The following SEMA3A variants were observed in gnomAD, a reference collection of about 807,000 sequenced individuals.
SEMA3A encodes semaphorin 3A.
Under a neutral mutation model 97.9 loss-of-function variants are expected in SEMA3A, and 29 were observed. The observed-to-expected ratio is 0.30, with a 90% CI of 0.22 to 0.40. The LOEUF (loss-of-function observed/expected upper bound fraction) is 0.40. Ranked by LOEUF, SEMA3A falls within the 10% of genes least tolerant of loss-of-function variation. The pLI, the probability that SEMA3A is intolerant of heterozygous loss-of-function variation, is 1.00. For synonymous variants in SEMA3A, 321 were observed against 323.7 expected (o/e 0.99, Z 0.09); for missense variants, 763 against 951.3 (o/e 0.80, Z 2.60).
At chr7:84,292,273 A>G (rs1008739416) in intron 3 of SEMA3A, among the ~76,000 whole-genome samples, 9 of 152,078 alleles carry the variant, frequency 5.9e-5, no homozygotes, top group Non-Finnish European at 1.2e-4. Context: ...CCTAATTGTC[A>G]GTGCTTATTT....
At chr7:83,996,491 C>T (rs549040520) in intron 12 of SEMA3A, among the ~76,000 whole-genome samples, 3 of 151,798 alleles carry the variant, frequency 2.0e-5, no homozygotes, top group South Asian at 4.2e-4. Flanking sequence ...TTAGTAGAGA[C>T]GGGGTTTCAT....
At chr7:84,050,327 G>A (rs79748970) in intron 5 of SEMA3A, among the ~76,000 whole-genome samples, 163 of 152,172 alleles carry the variant, frequency 1.1e-3, no homozygotes, top group East Asian at 7.7e-3. Context: ...TCCCACCAAC[G>A]GTGTAAAAGT....
At chr7:84,293,879 G>T (rs1377857530) in intron 3 of SEMA3A, among the ~76,000 whole-genome samples, 1 of 151,944 alleles carries the variant, frequency 6.6e-6, no homozygotes, top group Non-Finnish European at 1.5e-5. Context: ...TAGATGAAAA[G>T]ATGTATACTT....
At position 84,417,369 on chromosome 7, in the gene SEMA3A, A is replaced by G. The variant is rs115888949; in HGVS notation, c.-245-45469T>C. Among the ~76,000 whole-genome samples the G allele has an allele frequency of 2.4e-3, 373 of 152,250 alleles. 2 individuals are homozygous for G. The highest frequency in any genetic ancestry group is 8.4e-3 in the African/African-American group (348 of 41,576). ...TAAATTAATTTGATTGATGAATAGTATAGTGTAAAATGTCTATTTACATGA... is the reference window on the plus strand; with the variant it reads ...TAAATTAATTTGATTGATGAATAGTGTAGTGTAAAATGTCTATTTACATGA... On this transcript the variant is annotated intron_variant, in intron 1 of 3. Coordinates refer to the SEMA3A transcript ENST00000424555.
intron 1 of SEMA3A, among the ~76,000 whole-genome samples, chr7:84,155,575 G>A (rs1051552901): frequency 6.6e-6 from 1 of 152,102 alleles, no homozygotes; most frequent in East Asian, 1.9e-4. Flanking sequence ...GTTACCAAAT[G>A]CAGTGTTCTT....
intron 3 of SEMA3A, among the ~76,000 whole-genome samples, chr7:84,282,055 A>C (rs1800451082): frequency 6.6e-6 from 1 of 152,166 alleles, no homozygotes; most frequent in African/African-American, 2.4e-5. Context: ...AATATTCAGA[A>C]TCACCTGAGC....
At chr7:84,361,088 C>T (rs2116064013) in intron 2 of SEMA3A, among the ~76,000 whole-genome samples, 1 of 151,996 alleles carries the variant, frequency 6.6e-6, no homozygotes, top group African/African-American at 2.4e-5. Flanking sequence ...GCTTCAAATG[C>T]TTACTATAAA....
chr7:84,097,887 A>G lies in SEMA3A; in HGVS notation c.453+12583T>C, dbSNP rs147953787. ...CAATGATTAAAGGATGACCCTTCAC[A>G]AAAAGATATATTTCTCCAAATACAT... On this transcript the variant is annotated intron_variant, in intron 4 of 16. Coordinates refer to ENST00000265362, the MANE Select transcript of SEMA3A (RefSeq NM_006080.3). 2.7e-3 allele frequency among the ~76,000 whole-genome samples: 408 copies of G among 152,198 alleles called. 2 individuals carry two copies. Among genetic ancestry groups the G allele is most frequent in the African/African-American group, 9.3e-3 (385 of 41,550 alleles).
chr7:84,144,094 A>G (rs1796395538), intron 1 of SEMA3A, among the ~76,000 whole-genome samples: 1 of 151,946 alleles, frequency 6.6e-6, no homozygotes, highest in Non-Finnish European at 1.5e-5. Flanking sequence ...ACTATCCCAC[A>G]GGGTGTTTCT....
At chr7:84,353,275 G>C (rs1802478027) in intron 2 of SEMA3A, among the ~76,000 whole-genome samples, 2 of 151,664 alleles carry the variant, frequency 1.3e-5, no homozygotes, top group South Asian at 4.1e-4. Flanking sequence ...CATGGATGCA[G>C]AACCCATGGA....
In SEMA3A at chr7:84,207,399, A is replaced by C. The variant is rs79912684; in HGVS notation, c.-82-12731T>G. 0.012 allele frequency among the ~76,000 whole-genome samples: 1,801 copies of C among 152,312 alleles called. 65 individuals are homozygous for C. In the East Asian group the frequency reaches 0.15, roughly 12 times the overall value. On this transcript the variant is annotated intron_variant, in intron 3 of 3. Transcript: ENST00000424555. ...TTTCAGAACTCTGCCCATTCTATCAAATCCTGATTCAAATGATTCTATGTA... is the reference window on the plus strand; with the variant it reads ...TTTCAGAACTCTGCCCATTCTATCACATCCTGATTCAAATGATTCTATGTA...
At chr7:84,418,627 A>G (rs79270806) in intron 1 of SEMA3A, among the ~76,000 whole-genome samples, 6,239 of 152,098 alleles carry the variant, frequency 0.041, 188 homozygotes, top group Non-Finnish European at 0.063. Context: ...CTGTCTTCCC[A>G]TGGCTTCCTC....
At chr7:84,055,496 A>T (rs1792927679) in intron 5 of SEMA3A, among the ~76,000 whole-genome samples, 1 of 151,756 alleles carries the variant, frequency 6.6e-6, no homozygotes, top group Non-Finnish European at 1.5e-5. Flanking sequence ...CCTTTCTTTG[A>T]CTAGGAAAGG....
intron 15 of SEMA3A, among the ~76,000 whole-genome samples, chr7:83,965,437 A>T (rs1268489396): frequency 6.6e-6 from 1 of 151,168 alleles, no homozygotes; most frequent in Non-Finnish European, 1.5e-5. Context: ...GAAATTTATA[A>T]CTGCAACTGA....
At chr7:84,241,936 G>T (rs1799373694) in intron 3 of SEMA3A, among the ~76,000 whole-genome samples, 1 of 152,100 alleles carries the variant, frequency 6.6e-6, no homozygotes, top group Non-Finnish European at 1.5e-5. Context: ...TCAGACAGTT[G>T]TAGATCTGTG....
chr7:84,452,912 C>CT (rs1195936305), intron 1 of SEMA3A, among the ~76,000 whole-genome samples: 7 of 146,686 alleles, frequency 4.8e-5, no homozygotes, highest in African/African-American at 1.0e-4. Context: ...AAACAAGGGC[C>CT]TTTTTTGGGG....
chr7:84,381,348 T>C (rs887527806), intron 1 of SEMA3A, among the ~76,000 whole-genome samples: 1 of 152,160 alleles, frequency 6.6e-6, no homozygotes, highest in Non-Finnish European at 1.5e-5. Context: ...TAACTTGAAA[T>C]TCCAACCTCA....
At chr7:84,083,209 C>CAT (rs894027307) in intron 4 of SEMA3A, among the ~76,000 whole-genome samples, 16 of 151,726 alleles carry the variant, frequency 1.1e-4, no homozygotes, top group Admixed American at 3.9e-4. Context: ...TTTATTTGTA[C>CAT]ATATATATAT....
intron 2 of SEMA3A, among the ~76,000 whole-genome samples, chr7:84,354,946 T>C (rs557804850): frequency 6.6e-6 from 1 of 151,706 alleles, no homozygotes; most frequent in South Asian, 2.1e-4. Context: ...CCCAACTAAG[T>C]CATAAAATCA....
Sources: allele counts gnomAD v4.1 joint callset (sites outside exome capture counted in the v4.1 genomes callset), GRCh38; gene constraint gnomAD v4.1.1; transcripts MANE v1.5; gene names NCBI Gene and HGNC (gene_info 2026-07-23, HGNC 2026-07-21).